GLIS1: variants seen among roughly 807,000 people sequenced by gnomAD.
The protein encoded by GLIS1 is zinc finger protein GLIS1.
Under a neutral mutation model 63.8 loss-of-function variants are expected in GLIS1, and 24 were observed. The observed-to-expected ratio is 0.38, with a 90% CI of 0.27 to 0.53. GLIS1 has a LOEUF of 0.53. Among genes scored for constraint, GLIS1 ranks in the 20% least tolerant of loss-of-function variants. GLIS1 has a pLI of 0.85. For missense variants in GLIS1, 1,036 were observed against 1,074.1 expected, an observed-to-expected ratio of 0.96 and a Z score of 0.50; for synonymous variants, 450 against 482.5, an observed-to-expected ratio of 0.93 and a Z score of 0.88.
At chr1:53,537,036 T>C (rs1644588268) in intron 4 of GLIS1, among the ~76,000 whole-genome samples, 1 of 152,212 alleles carries the variant, frequency 6.6e-6, no homozygotes, top group Non-Finnish European at 1.5e-5. Context: ...AATCAGAACC[T>C]AATTGAAAAA....
At chr1:53,695,202 C>T (rs540389015) in intron 2 of GLIS1, among the ~76,000 whole-genome samples, 7 of 152,338 alleles carry the variant, frequency 4.6e-5, no homozygotes, top group Admixed American at 2.6e-4. Context: ...CTGGACTGTG[C>T]GGCCCAAATC....
At chr1:53,509,666 A>G (rs2316190) in intron 9 of GLIS1, among the ~76,000 whole-genome samples, 183 bp downstream of exon 9, 2,063 of 152,252 alleles carry the variant, frequency 0.014, 38 homozygotes, top group African/African-American at 0.046. Context: ...AGTTTTGTCC[A>G]GGCTGTGCCC....
intron 2 of GLIS1, among the ~76,000 whole-genome samples, chr1:53,638,604 T>C (rs970716499): frequency 2.0e-5 from 3 of 152,134 alleles, no homozygotes; most frequent in African/African-American, 4.8e-5. Context: ...TGAGGCCCCA[T>C]GGAGCAATGG....
At chr1:53,543,568 G>A (rs1009056953) in intron 4 of GLIS1, among the ~76,000 whole-genome samples, 2 of 152,174 alleles carry the variant, frequency 1.3e-5, no homozygotes, top group Non-Finnish European at 1.5e-5. Context: ...GTGGTCTATT[G>A]ATTTAGGAAA....
At position 53,670,720 on chromosome 1, in the gene GLIS1, C is replaced by G. The variant is rs2100394574; in HGVS notation, c.259+67086G>C. 2.0e-5 allele frequency among the ~76,000 whole-genome samples: 3 copies of G among 152,350 alleles called. 1 individual carries two copies. The highest frequency in any genetic ancestry group is 2.0e-4 in the Admixed American group (3 of 15,314). On this transcript the variant is annotated intron_variant, in intron 2 of 10. Coordinates refer to ENST00000628545, the MANE Select transcript of GLIS1 (RefSeq NM_001367484.1). ...AGTGGAGAACTAACCAGACTCTAGT[C>G]TAACATTTGTTCCCAAGTCAGCCTC...
At position 53,514,642 on chromosome 1, in the gene GLIS1, A is replaced by G. The variant is rs138842092; in HGVS notation, c.1866T>C (p.Ala622=). ...SHHHLSPLPM[A]ESTRDGLGPG... ...GTACATACCCATCCCGGGTGCTCTC[A>G]GCCATGGGCAGAGGGGACAGATGGT... The change falls in exon 8 of 11, where the codon GCT becomes GCC. Residue 622 remains alanine, a synonymous_variant. Coordinates refer to ENST00000628545, the MANE Select transcript of GLIS1 (RefSeq NM_001367484.1). The G allele has an allele frequency of 1.2e-5, 20 of 1,613,082 alleles. No homozygotes were observed. The highest frequency in any genetic ancestry group is 8.5e-7 in the Non-Finnish European group (1 of 1,179,834).
Position 53,737,953 on chromosome 1 carries a change from C to G in GLIS1, c.112G>C (p.Val38Leu). Residue 38 changes from valine (V) to leucine (L), a missense_variant, in exon 2 of 11, where the codon GTC becomes CTC. Val to Leu is a conservative substitution (Grantham distance 32). Coordinates refer to ENST00000628545, the MANE Select transcript of GLIS1 (RefSeq NM_001367484.1). Reference sequence around the variant, plus strand: ...CCGCAGCCGCCGCCACTCACGGTGACCCTGAAGGCCATGTGCGCGCCGAGG... The same window carrying G: ...CCGCAGCCGCCGCCACTCACGGTGAGCCTGAAGGCCATGTGCGCGCCGAGG... ...ASLGAHMAFR[V>L]TVSGGGCGDR... The G allele has an allele frequency of 8.1e-7, 1 of 1,230,258 alleles. No individual in the cohort carries two copies. Among genetic ancestry groups the G allele is most frequent in the Non-Finnish European group, 1.0e-6 (1 of 986,982 alleles). 76.2% of individuals were successfully genotyped at this position (1,230,258 alleles called of 1,614,324 possible).
chr1:53,551,556 T>TGCTTAGAGCCCTGGG (rs1553123002), intron 4 of GLIS1, among the ~76,000 whole-genome samples: 1 of 152,156 alleles, frequency 6.6e-6, no homozygotes, highest in Non-Finnish European at 1.5e-5. Context: ...TCAGGTCGGT[T>TGCTTAGAGCCCTGGG]GCTTAGAGCC....
At chr1:53,652,387 T>C (rs1645918722) in intron 2 of GLIS1, among the ~76,000 whole-genome samples, 1 of 151,978 alleles carries the variant, frequency 6.6e-6, no homozygotes, top group African/African-American at 2.4e-5. Flanking sequence ...GGCCCAGGGG[T>C]GAGTCCTCCA....
chr1:53,737,672 G>T, intron 2 of GLIS1, 134 bp downstream of exon 2: 1 of 879,166 alleles, frequency 1.1e-6, no homozygotes, highest in Non-Finnish European at 1.5e-6. Context: ...TGACAAGCTA[G>T]TCCCAAACAA....
intron 4 of GLIS1, among the ~76,000 whole-genome samples, chr1:53,569,467 GA>G (rs1644963926): frequency 7.1e-6 from 1 of 140,628 alleles, no homozygotes. Flanking sequence ...CTCTAAAAAA[GA>G]AAGTCTATTT....
rs149048074 is a variant in GLIS1, at chr1:53,697,235, C to T, written c.259+40571G>A. On this transcript the variant is annotated intron_variant, in intron 2 of 10. Transcript: ENST00000628545. Reference sequence around the variant, plus strand: ...AGTGGAGGAAAGACAGCAATGCCAACCTGAGTGGGTCACCCTGCCCAAAAT... The same window carrying T: ...AGTGGAGGAAAGACAGCAATGCCAATCTGAGTGGGTCACCCTGCCCAAAAT... Among the ~76,000 whole-genome samples, 178 of 152,316 alleles carry T rather than the reference C, an allele frequency of 1.2e-3. 1 individual carries two copies. In the South Asian group the frequency reaches 0.012, roughly 11 times the overall value.
chr1:53,690,356 C>G (rs567929333), intron 2 of GLIS1, among the ~76,000 whole-genome samples: 1 of 152,220 alleles, frequency 6.6e-6, no homozygotes, highest in Non-Finnish European at 1.5e-5. Flanking sequence ...TCTGTGAAGA[C>G]CTGTGCTGCA....
At chr1:53,576,925 C>G (rs2100482981) in intron 4 of GLIS1, among the ~76,000 whole-genome samples, 1 of 152,158 alleles carries the variant, frequency 6.6e-6, no homozygotes, top group South Asian at 2.1e-4. Flanking sequence ...TCTAACAAGG[C>G]CCAGGTTCCC....
At chr1:53,677,542 C>A (rs1393013517) in intron 2 of GLIS1, among the ~76,000 whole-genome samples, 1 of 152,260 alleles carries the variant, frequency 6.6e-6, no homozygotes, top group Non-Finnish European at 1.5e-5. Context: ...AAAAACAACC[C>A]AGTTTGGAAG....
chr1:53,537,417 G>A (rs893020589), intron 4 of GLIS1, among the ~76,000 whole-genome samples: 24 of 152,218 alleles, frequency 1.6e-4, no homozygotes, highest in African/African-American at 5.6e-4. Flanking sequence ...CAAGGGCCCT[G>A]TTTCACATGT....
chr1:53,718,111 G>A (rs1317632474), intron 2 of GLIS1, among the ~76,000 whole-genome samples: 4 of 152,214 alleles, frequency 2.6e-5, no homozygotes, highest in African/African-American at 7.2e-5. Context: ...TTTGGGATAA[G>A]GTTCTTGGCT....
At chr1:53,680,559 G>A (rs1646264324) in intron 2 of GLIS1, among the ~76,000 whole-genome samples, 1 of 152,184 alleles carries the variant, frequency 6.6e-6, no homozygotes, top group Non-Finnish European at 1.5e-5. Flanking sequence ...AATAACAGAA[G>A]GGAAAGTGTT....
intron 4 of GLIS1, among the ~76,000 whole-genome samples, chr1:53,568,247 A>G (rs1644953413): frequency 6.6e-6 from 1 of 152,338 alleles, no homozygotes; most frequent in Admixed American, 6.5e-5. Flanking sequence ...TGACTACCCT[A>G]TTGGGTTTTG....
Sources: allele counts gnomAD v4.1 joint callset (sites outside exome capture counted in the v4.1 genomes callset), GRCh38; gene constraint gnomAD v4.1.1; transcripts MANE v1.5; gene names NCBI Gene and HGNC (gene_info 2026-07-23, HGNC 2026-07-21).